PDE10A: variants seen among roughly 807,000 people sequenced by gnomAD.
The protein encoded by PDE10A is phosphodiesterase 10A, also known as cAMP and cAMP-inhibited cGMP 3',5'-cyclic phosphodiesterase 10A.
In PDE10A, 39 loss-of-function variants were observed where a neutral mutation model predicts 97.7. That is an observed-to-expected ratio of 0.40 (90% CI 0.31 to 0.52). The LOEUF (loss-of-function observed/expected upper bound fraction) is 0.52. Among genes scored for constraint, PDE10A ranks in the 20% least tolerant of loss-of-function variants. The pLI is 0.56. For synonymous variants in PDE10A, 371 were observed against 376.8 expected, an observed-to-expected ratio of 0.98 and a Z score of 0.18; for missense variants, 731 against 1,047.8, an observed-to-expected ratio of 0.70 and a Z score of 4.17.
chr6:165,810,693 C>T (rs1779259837), intron 1 of PDE10A, among the ~76,000 whole-genome samples: 1 of 152,128 alleles, frequency 6.6e-6, no homozygotes, highest in Admixed American at 6.5e-5. Context: ...TTCCTCTCCC[C>T]AGGATGATGT....
rs1170603607 is a variant in PDE10A, at chr6:165,661,641, G to C, written c.865+306C>G. On this transcript the variant is annotated intron_variant, in intron 1 of 21. Coordinates refer to ENST00000539869, the MANE Select transcript of PDE10A (RefSeq NM_001385079.1). The surrounding 1 kb of genome is among the most constrained non-coding windows in gnomAD (Gnocchi z 4.8). ...ACAAGTGTGGCCAGAAACGGCACGA[G>C]GGGCGGAGAAGGAGGCGGCAGGTCC... The C allele has an allele frequency of 1.1e-5, 4 of 372,640 alleles. No individual in the cohort carries two copies. The highest frequency in any genetic ancestry group is 8.6e-5 in the African/African-American group (4 of 46,600). The allele number at this position is 372,640 out of a possible 1,614,324, so 23.1% of individuals were successfully genotyped here. A position where few individuals can be genotyped will look rare whatever the true frequency, so the allele number is the denominator to read the frequency against.
chr6:165,348,771 G>A (rs1782488061), intron 18 of PDE10A, among the ~76,000 whole-genome samples: 1 of 152,156 alleles, frequency 6.6e-6, no homozygotes, highest in South Asian at 2.1e-4. Flanking sequence ...ACTGAATCAT[G>A]CGGGCAGTTT....
intron 1 of PDE10A, among the ~76,000 whole-genome samples, chr6:165,799,745 C>T (rs1026376241): frequency 1.3e-5 from 2 of 152,190 alleles, no homozygotes; most frequent in African/African-American, 4.8e-5. Context: ...GTAAACTCTC[C>T]TGGGCCTGAT....
intron 1 of PDE10A, among the ~76,000 whole-genome samples, chr6:165,595,402 A>T (rs1786528265): frequency 6.6e-6 from 1 of 152,254 alleles, no homozygotes; most frequent in African/African-American, 2.4e-5. Flanking sequence ...TAATAAAGAC[A>T]GGCCTGTAGA....
At chr6:165,416,934 CT>C (rs1004364839) in intron 11 of PDE10A, among the ~76,000 whole-genome samples, 1 of 152,074 alleles carries the variant, frequency 6.6e-6, no homozygotes, top group Admixed American at 6.6e-5. Flanking sequence ...AGTATTTTTC[CT>C]TTGCAAAAAT....
At chr6:165,470,915 A>C (rs1778960966) in intron 3 of PDE10A, among the ~76,000 whole-genome samples, 2 of 152,172 alleles carry the variant, frequency 1.3e-5, no homozygotes, top group South Asian at 4.1e-4. Context: ...AAAAAAACTA[A>C]AACAAAACCG....
At chr6:165,429,001 A>C (rs1019932963) in intron 9 of PDE10A, among the ~76,000 whole-genome samples, 1 of 152,096 alleles carries the variant, frequency 6.6e-6, no homozygotes, top group Non-Finnish European at 1.5e-5. Flanking sequence ...TGTTGCATTT[A>C]ACAAAGTATG....
chr6:165,640,902 G>A (rs916009330), intron 1 of PDE10A, among the ~76,000 whole-genome samples: 4 of 152,212 alleles, frequency 2.6e-5, no homozygotes, highest in African/African-American at 9.6e-5. Context: ...CACCTACCAG[G>A]AAATATTCAG....
chr6:165,934,787 CACT>C (rs3839499), intron 1 of PDE10A, among the ~76,000 whole-genome samples: 15,043 of 152,112 alleles, frequency 0.099, 915 homozygotes, highest in African/African-American at 0.15. Context: ...CATTGGATGA[CACT>C]ACTACTACTA....
At chr6:165,587,271 G>A (rs1183319939) in intron 1 of PDE10A, among the ~76,000 whole-genome samples, 1 of 152,058 alleles carries the variant, frequency 6.6e-6, no homozygotes, top group Admixed American at 6.6e-5. Flanking sequence ...AAGACGGGAG[G>A]AACATAAACT....
chr6:165,724,626 T>C (rs1792247691), intron 1 of PDE10A, among the ~76,000 whole-genome samples: 2 of 152,354 alleles, frequency 1.3e-5, no homozygotes, highest in South Asian at 2.1e-4. Flanking sequence ...CAGGCCCTTA[T>C]AATTCTTCTA....
chr6:165,862,220 A>T (rs778263443), intron 1 of PDE10A, among the ~76,000 whole-genome samples: 1 of 152,228 alleles, frequency 6.6e-6, no homozygotes, highest in Admixed American at 6.5e-5. Flanking sequence ...GCATGTAAAA[A>T]TAATTCGGTG....
rs1188437330 is a variant in PDE10A, at chr6:165,661,769, C to G, written c.865+178G>C. ...GCGTCCCTGCGCGGCCGAACGCTCC[C>G]GCGCTCCGCCAGGGGCACCGGCTCC... On this transcript the variant is annotated intron_variant, in intron 1 of 21. Transcript: ENST00000539869. This position sits in a 1 kb window ranked among gnomAD's most constrained non-coding sequence, Gnocchi z 4.8. Among the ~76,000 whole-genome samples the G allele has an allele frequency of 6.6e-6, 1 of 152,090 alleles. No individual in the cohort carries two copies.
In PDE10A at chr6:165,925,577, T is replaced by C. The variant is rs117725747; in HGVS notation, c.-615+61952A>G. 9.4e-4 allele frequency among the ~76,000 whole-genome samples: 143 copies of C among 152,384 alleles called. 1 individual carries two copies. Among genetic ancestry groups the C allele is most frequent in the Middle Eastern group, 3.4e-3 (1 of 294 alleles). ...TCAGTGACAAACACACAACTTGGATTACTCTCCAGTGAATTATGTGGAGTA... is the reference window on the plus strand; with the variant it reads ...TCAGTGACAAACACACAACTTGGATCACTCTCCAGTGAATTATGTGGAGTA... On this transcript the variant is annotated intron_variant, in intron 1 of 19. Coordinates refer to the PDE10A transcript ENST00000366882.
chr6:165,938,142 C>T (rs1418809260), intron 1 of PDE10A, among the ~76,000 whole-genome samples: 1 of 152,198 alleles, frequency 6.6e-6, no homozygotes, highest in Non-Finnish European at 1.5e-5. Context: ...GAGCAATGAG[C>T]TTTGGCATTC....
intron 2 of PDE10A, among the ~76,000 whole-genome samples, chr6:165,513,177 A>G (rs1781597092): frequency 6.6e-6 from 1 of 152,066 alleles, no homozygotes; most frequent in African/African-American, 2.4e-5. Context: ...TTTAGCTCTT[A>G]CAGTAAGGCA....
At chr6:165,980,284 G>T (rs545529919) in intron 1 of PDE10A, among the ~76,000 whole-genome samples, 1 of 152,140 alleles carries the variant, frequency 6.6e-6, no homozygotes, top group South Asian at 2.1e-4. Context: ...AATGGCCTTC[G>T]GTAGAGTTCA....
Position 165,418,880 on chromosome 6 carries a change from C to CT in PDE10A, c.1654-104dup, listed in dbSNP as rs1333259751. On this transcript the variant is annotated intron_variant, in intron 10 of 21. Transcript: ENST00000539869. This position sits in a 1 kb window ranked among gnomAD's most constrained non-coding sequence, Gnocchi z 4.8. Reference sequence around the variant, plus strand: ...GTATTAATTTCAGCTGTCCTATACTCTAATTGGTTGGTATTAGCATTATAA... The same window carrying CT: ...GTATTAATTTCAGCTGTCCTATACTCTTAATTGGTTGGTATTAGCATTATAA... The CT allele has an allele frequency of 2.4e-6, 2 of 846,738 alleles. No individual in the cohort carries two copies. The highest frequency in any genetic ancestry group is 2.5e-5 in the Admixed American group (1 of 40,642). The allele number at this position is 846,738 out of a possible 1,614,324, so 52.5% of individuals were successfully genotyped here. A position where few individuals can be genotyped will look rare whatever the true frequency, so the allele number is the denominator to read the frequency against.
chr6:165,925,881 T>C (rs1782916971), intron 1 of PDE10A, among the ~76,000 whole-genome samples: 1 of 152,158 alleles, frequency 6.6e-6, no homozygotes, highest in Admixed American at 6.5e-5. Flanking sequence ...CAAGAAACAT[T>C]TGGGAAATCT....
Sources: gnomAD v4.1 joint callset for allele counts (sites outside exome capture counted in the v4.1 genomes callset) on GRCh38, gnomAD v4.1.1 for gene constraint, Gnocchi (gnomAD v3.1) non-coding constraint, MANE v1.5 for transcripts, NCBI Gene and HGNC (gene_info 2026-07-23, HGNC 2026-07-21) for gene names.